CDADC1: variants seen among roughly 807,000 people sequenced by gnomAD.
The protein encoded by CDADC1 is cytidine and dCMP deaminase domain containing 1.
In CDADC1, 39 loss-of-function variants were observed where a neutral mutation model predicts 54.9. The observed-to-expected ratio is 0.71, with a 90% CI of 0.55 to 0.93. CDADC1 has a LOEUF of 0.93. Among genes scored for constraint, CDADC1 ranks in the 40% least tolerant of loss-of-function variants. The pLI is 0.00. For synonymous variants in CDADC1, 186 were observed against 204.0 expected (o/e 0.91, Z 0.75); for missense variants, 518 against 618.8 (o/e 0.84, Z 1.73).
intron 1 of CDADC1, 95 bp downstream of exon 1, chr13:49,248,214 T>C (rs1173071049): frequency 3.4e-5 from 38 of 1,108,024 alleles, no homozygotes; most frequent in Non-Finnish European, 5.0e-5. Context: ...CTGAGCCTCT[T>C]TGCCTCCCCT....
Position 49,292,281 on chromosome 13 carries a change from A to G in CDADC1, c.*524A>G, listed in dbSNP as rs193202729. On this transcript the variant is annotated 3_prime_UTR_variant, in exon 10 of 10. Transcript: ENST00000251108. Reference sequence around the variant, plus strand: ...ATTTACTTAATTAGAATTGACTCATAAAAATAAAGTTAGTGGACTTTGTCT... The same window carrying G: ...ATTTACTTAATTAGAATTGACTCATGAAAATAAAGTTAGTGGACTTTGTCT... 4.2e-4 allele frequency: 410 copies of G among 977,976 alleles called. 8 individuals carry two copies. The Admixed American group carries it at 0.022, about 53-fold the overall frequency. The allele number at this position is 977,976 out of a possible 1,614,324, so 60.6% of individuals were successfully genotyped here. A position where few individuals can be genotyped will look rare whatever the true frequency, so the allele number is the denominator to read the frequency against.
intron 2 of CDADC1, 86 bp downstream of exon 2, chr13:49,249,051 A>G: frequency 1.3e-6 from 1 of 795,922 alleles, no homozygotes; most frequent in Non-Finnish European, 2.2e-6. Context: ...CATACCTAAA[A>G]CCAAACTTAA....
intron 5 of CDADC1, among the ~76,000 whole-genome samples, chr13:49,273,459 A>G (rs1953023184): frequency 6.6e-6 from 1 of 152,234 alleles, no homozygotes; most frequent in Admixed American, 6.5e-5. Context: ...TCAACATTGT[A>G]TAGAAGGAAA....
At chr13:49,248,248 C>T in intron 1 of CDADC1, 129 bp downstream of exon 1, 2 of 785,450 alleles carry the variant, frequency 2.5e-6, no homozygotes, top group Non-Finnish European at 4.0e-6. Flanking sequence ...GTCTCCTGCC[C>T]GCCCTCTGCG....
At chr13:49,262,082 C>T (rs1034629739) in intron 4 of CDADC1, among the ~76,000 whole-genome samples, 3 of 152,160 alleles carry the variant, frequency 2.0e-5, no homozygotes, top group Admixed American at 1.3e-4. Context: ...TGTTGTAGCA[C>T]AGTGGTTCTC....
intron 7 of CDADC1, among the ~76,000 whole-genome samples, chr13:49,280,169 C>G (rs559859930): frequency 3.3e-4 from 50 of 152,106 alleles, no homozygotes; most frequent in Non-Finnish European, 5.9e-4. Context: ...TAAACAGGTA[C>G]TTATTTAGAA....
chr13:49,264,223 G>A (rs1388101699), intron 4 of CDADC1, among the ~76,000 whole-genome samples: 2 of 152,124 alleles, frequency 1.3e-5, no homozygotes, highest in African/African-American at 4.8e-5. Context: ...CACAATGGAA[G>A]TTTCCTAACT....
At chr13:49,272,997 C>T (rs1366431037) in intron 5 of CDADC1, among the ~76,000 whole-genome samples, 1 of 152,138 alleles carries the variant, frequency 6.6e-6, no homozygotes, top group Non-Finnish European at 1.5e-5. Context: ...ATTTTATCTG[C>T]TTTACCTTTA....
chr13:49,282,325 G>T (rs1241377727), intron 8 of CDADC1, among the ~76,000 whole-genome samples: 1 of 145,550 alleles, frequency 6.9e-6, no homozygotes, highest in Non-Finnish European at 1.5e-5. Flanking sequence ...CGCCATCTTG[G>T]CAATCTCTGT....
chr13:49,283,200 T>C (rs1220680032), intron 8 of CDADC1, among the ~76,000 whole-genome samples: 3 of 152,066 alleles, frequency 2.0e-5, no homozygotes, highest in African/African-American at 7.2e-5. Context: ...TAATTATATA[T>C]GTATATAATT....
At chr13:49,251,688 A>G (rs1952436933) in intron 2 of CDADC1, among the ~76,000 whole-genome samples, 1 of 152,216 alleles carries the variant, frequency 6.6e-6, no homozygotes, top group African/African-American at 2.4e-5. Flanking sequence ...CTGTTTCCTC[A>G]TACTATATAG....
In CDADC1 at chr13:49,270,747, CTG is replaced by C. The variant is rs577713058; in HGVS notation, c.1000+2689_1000+2690del. Among the ~76,000 whole-genome samples the C allele has an allele frequency of 2.0e-3, 312 of 152,324 alleles. 1 individual carries two copies. Among genetic ancestry groups the C allele is most frequent in the African/African-American group, 7.2e-3 (299 of 41,584 alleles). On this transcript the variant is annotated intron_variant, in intron 5 of 9. Transcript: ENST00000251108. ...TGTAAAAGATTTCAGATCAGGGACTCTGGACCTGTAATTCTTCCTTAATGATA... is the reference window on the plus strand; with the variant it reads ...TGTAAAAGATTTCAGATCAGGGACTCGACCTGTAATTCTTCCTTAATGATA...
At chr13:49,248,549 C>T in intron 1 of CDADC1, 1 of 328,388 alleles carries the variant, frequency 3.0e-6, no homozygotes, top group African/African-American at 2.1e-5. Flanking sequence ...AAGCTTGCAC[C>T]ACGACGACGT....
At chr13:49,281,393 G>T (rs1024822396) in intron 8 of CDADC1, among the ~76,000 whole-genome samples, 1 of 152,142 alleles carries the variant, frequency 6.6e-6, no homozygotes, top group African/African-American at 2.4e-5. Context: ...ACCAGTGACC[G>T]GTTTTGTGGA....
intron 5 of CDADC1, among the ~76,000 whole-genome samples, chr13:49,269,910 C>A (rs1228352351): frequency 6.6e-6 from 1 of 152,154 alleles, no homozygotes; most frequent in Non-Finnish European, 1.5e-5. Context: ...CACTATTGTG[C>A]AGAATTTTGT....
chr13:49,267,610 G>A lies in CDADC1; in HGVS notation c.551G>A (p.Ser184Asn). 6.2e-7 allele frequency: 1 copy of A among 1,614,128 alleles called. No homozygotes were observed. Among genetic ancestry groups the A allele is most frequent in the Non-Finnish European group, 8.5e-7 (1 of 1,180,016 alleles). The change falls in exon 5 of 10, where the codon AGT becomes AAT. Residue 184 changes from serine to asparagine, a missense_variant. Ser to Asn is a conservative substitution (Grantham distance 46). Coordinates refer to ENST00000251108, the MANE Select transcript of CDADC1 (RefSeq NM_030911.4). The part of the protein sequence containing the change: ...AKAVERLKSN[S>N]RAHVCVLLQP... ...GCAGTGGAAAGATTGAAGTCAAACA[G>A]TCGGGCCCATGTGTGTGTCTTACTT...
rs1566363914 is a variant in CDADC1 at position 49,268,075 on chromosome 13, C to T, written c.1000+16C>T. The T allele has an allele frequency of 5.1e-6, 8 of 1,578,786 alleles. No homozygotes were observed. Among genetic ancestry groups the T allele is most frequent in the South Asian group, 4.5e-5 (4 of 89,282 alleles). Reference sequence around the variant, plus strand: ...TATCGAACTGGTGAGTTACATAGATCGTAAATTGGGGCTGATTGGTTGGGT... The same window carrying T: ...TATCGAACTGGTGAGTTACATAGATTGTAAATTGGGGCTGATTGGTTGGGT... On this transcript the variant is annotated intron_variant, in intron 5 of 9. Coordinates refer to ENST00000251108, the MANE Select transcript of CDADC1 (RefSeq NM_030911.4).
chr13:49,269,171 G>A (rs1952901187), intron 5 of CDADC1, among the ~76,000 whole-genome samples: 1 of 152,180 alleles, frequency 6.6e-6, no homozygotes, highest in African/African-American at 2.4e-5. Flanking sequence ...GGTCTCTACA[G>A]ATGCTGCTGG....
At chr13:49,250,140 G>A (rs1566349174) in intron 2 of CDADC1, among the ~76,000 whole-genome samples, 1 of 152,102 alleles carries the variant, frequency 6.6e-6, no homozygotes, top group African/African-American at 2.4e-5. Context: ...CTCTTACAAA[G>A]TTGTAGTTAT....
Sources: allele counts gnomAD v4.1 joint callset (sites outside exome capture counted in the v4.1 genomes callset), GRCh38; gene constraint gnomAD v4.1.1; transcripts MANE v1.5; gene names NCBI Gene and HGNC (gene_info 2026-07-23, HGNC 2026-07-21).